Variants in LUZP2 observed in about 807,000 individuals in gnomAD.
LUZP2 encodes leucine zipper protein 2.
A neutral mutation model predicts 51.6 loss-of-function variants in LUZP2; 52 were observed. The observed-to-expected ratio is 1.01, with a 90% CI of 0.81 to 1.27. The LOEUF (loss-of-function observed/expected upper bound fraction) is 1.27. Ranked by LOEUF, LUZP2 falls within the 50% of genes most tolerant of loss-of-function variation. The pLI is 0.00. For missense variants in LUZP2, 436 were observed against 395.4 expected (o/e 1.10, Z -0.87); for synonymous variants, 154 against 137.3 (o/e 1.12, Z -0.85).
At position 25,081,859 on chromosome 11, in the gene LUZP2, G is replaced by T. The variant is rs1266137371; in HGVS notation, c.*3201G>T. ...AAGAAAAAAGATATTTTCCAATGGA[G>T]TAACTTGTTTTAATAGAGGTACAAC... On this transcript the variant is annotated 3_prime_UTR_variant, in exon 12 of 12. Transcript: ENST00000336930. 6.6e-6 allele frequency: 1 copy of T among 152,124 alleles called. No individual in the cohort carries two copies. The highest frequency in any genetic ancestry group is 2.4e-5 in the African/African-American group (1 of 41,426). 9.4% of individuals were successfully genotyped at this position (152,124 alleles called of 1,614,324 possible). A position where few individuals can be genotyped will look rare whatever the true frequency, so the allele number is the denominator to read the frequency against.
chr11:24,926,375 GTGTGTATATATATACGTGTGTATA>G (rs1854253595), intron 7 of LUZP2, among the ~76,000 whole-genome samples: 3 of 43,608 alleles, frequency 6.9e-5, no homozygotes, highest in Non-Finnish European at 1.3e-4. Flanking sequence ...ATATATATAC[GTGTGTATATATATACGTGTGTATA>G]TATATATACG....
chr11:24,606,753 T>C (rs975258874), intron 1 of LUZP2, among the ~76,000 whole-genome samples: 9 of 152,062 alleles, frequency 5.9e-5, no homozygotes, highest in African/African-American at 2.2e-4. Context: ...ATTATACCAG[T>C]TTACACTTCC....
chr11:24,626,956 A>G (rs1854705568), intron 1 of LUZP2, among the ~76,000 whole-genome samples: 1 of 152,162 alleles, frequency 6.6e-6, no homozygotes, highest in Non-Finnish European at 1.5e-5. Context: ...TTTTCATTAT[A>G]TTAGGGATCT....
At chr11:24,564,466 ATAATCT>A (rs1187961782) in intron 1 of LUZP2, among the ~76,000 whole-genome samples, 1 of 152,204 alleles carries the variant, frequency 6.6e-6, no homozygotes, top group Non-Finnish European at 1.5e-5. Flanking sequence ...TAATGCAAAA[ATAATCT>A]TAATGGAGCA....
At chr11:24,993,134 G>A (rs967454364) in intron 9 of LUZP2, among the ~76,000 whole-genome samples, 13 of 152,038 alleles carry the variant, frequency 8.6e-5, no homozygotes, top group African/African-American at 3.1e-4. Flanking sequence ...ATGGTAAATT[G>A]TAAAGTTAGA....
At chr11:24,499,340 GT>G (rs1422373839) in intron 1 of LUZP2, among the ~76,000 whole-genome samples, 1 of 152,158 alleles carries the variant, frequency 6.6e-6, no homozygotes, top group African/African-American at 2.4e-5. Flanking sequence ...GGTACTATCA[GT>G]GTCATTTTGC....
At chr11:24,945,532 T>C (rs1168226055) in intron 7 of LUZP2, among the ~76,000 whole-genome samples, 1 of 143,814 alleles carries the variant, frequency 7.0e-6, no homozygotes, top group Non-Finnish European at 1.5e-5. Context: ...TTTTTTTTTT[T>C]CCAGTCCTAC....
At chr11:24,627,953 A>T (rs1854741169) in intron 1 of LUZP2, among the ~76,000 whole-genome samples, 1 of 152,176 alleles carries the variant, frequency 6.6e-6, no homozygotes, top group African/African-American at 2.4e-5. Flanking sequence ...AAATAGGCTA[A>T]TCATAATCAG....
intron 10 of LUZP2, among the ~76,000 whole-genome samples, chr11:25,066,750 T>G (rs770152999): frequency 2.0e-5 from 3 of 151,894 alleles, no homozygotes; most frequent in South Asian, 4.1e-4. Flanking sequence ...TAGAGAGAGT[T>G]AAAAGTTTAA....
At chr11:24,827,969 T>G (rs1463635643) in intron 5 of LUZP2, among the ~76,000 whole-genome samples, 1 of 151,994 alleles carries the variant, frequency 6.6e-6, no homozygotes, top group Non-Finnish European at 1.5e-5. Flanking sequence ...GAATGACATT[T>G]AGAGTTTGCT....
chr11:25,026,946 C>G (rs528393829), intron 9 of LUZP2, among the ~76,000 whole-genome samples: 1 of 150,016 alleles, frequency 6.7e-6, no homozygotes, highest in South Asian at 2.1e-4. Context: ...TTGACCCTCT[C>G]CTAAATTAGA....
intron 1 of LUZP2, among the ~76,000 whole-genome samples, chr11:24,592,614 T>C (rs1853298948): frequency 1.3e-5 from 2 of 151,950 alleles, no homozygotes; most frequent in Admixed American, 6.6e-5. Context: ...TTCTGAATGC[T>C]GAACCCTAAT....
chr11:24,857,500 ACC>A (rs1184503986), intron 5 of LUZP2, among the ~76,000 whole-genome samples: 2 of 151,050 alleles, frequency 1.3e-5, no homozygotes, highest in African/African-American at 4.9e-5. Flanking sequence ...AGTCTCTTTA[ACC>A]CAAATTATGT....
intron 1 of LUZP2, among the ~76,000 whole-genome samples, chr11:24,624,486 A>G (rs1182966749): frequency 6.6e-6 from 1 of 152,190 alleles, no homozygotes; most frequent in East Asian, 1.9e-4. Flanking sequence ...TCAAAGTATA[A>G]AACATATATA....
intron 10 of LUZP2, among the ~76,000 whole-genome samples, chr11:25,056,859 G>A (rs1858699075): frequency 6.6e-6 from 1 of 152,134 alleles, no homozygotes; most frequent in Admixed American, 6.5e-5. Context: ...CCGGCGCTTT[G>A]GGAGCCCAAG....
rs72884484 is a variant in LUZP2 at position 24,772,908 on chromosome 11, A to G, written c.396+9600A>G. On this transcript the variant is annotated intron_variant, in intron 5 of 11. Transcript: ENST00000336930. ...TTCTTATAACGACATCATTTATTAG[A>G]TTTTGAACCCACTCTAATCCAGTAT... Among the ~76,000 whole-genome samples, 265 of 152,190 alleles carry G rather than the reference A, an allele frequency of 1.7e-3. 1 individual carries two copies. Among genetic ancestry groups the G allele is most frequent in the Admixed American group, 3.4e-3 (52 of 15,272 alleles).
Position 24,994,657 on chromosome 11 carries a change from A to G in LUZP2, c.765+11364A>G, listed in dbSNP as rs1281986172. Among the ~76,000 whole-genome samples the G allele has an allele frequency of 5.3e-5, 8 of 152,324 alleles. No individual in the cohort carries two copies. The East Asian group carries it at 1.5e-3, about 29-fold the overall frequency. The stretch of plus-strand genomic sequence containing the variant: ...TGAGAATTACCTGCTCAATTTCTAG[A>G]AAAACAAATAAAGCTCAGATTTTAA... On this transcript the variant is annotated intron_variant, in intron 9 of 11. Coordinates refer to ENST00000336930, the MANE Select transcript of LUZP2 (RefSeq NM_001009909.4).
chr11:24,755,376 A>G (rs971880735), intron 4 of LUZP2, among the ~76,000 whole-genome samples: 1 of 152,126 alleles, frequency 6.6e-6, no homozygotes, highest in Non-Finnish European at 1.5e-5. Context: ...TTTTCCTGAC[A>G]TAATTTTCCC....
At chr11:25,034,897 G>C (rs1033189999) in intron 9 of LUZP2, among the ~76,000 whole-genome samples, 2 of 151,944 alleles carry the variant, frequency 1.3e-5, no homozygotes, top group African/African-American at 4.8e-5. Context: ...TGCTTTGGCT[G>C]TGTGGGCTCA....
Sources: gnomAD v4.1 joint callset for allele counts (sites outside exome capture counted in the v4.1 genomes callset) on GRCh38, gnomAD v4.1.1 for gene constraint, MANE v1.5 for transcripts, NCBI Gene and HGNC (gene_info 2026-07-23, HGNC 2026-07-21) for gene names.